Variants in NAA11 observed in about 807,000 individuals in gnomAD.
NAA11 encodes N-alpha-acetyltransferase 11, NatA catalytic subunit, also known as N-alpha-acetyltransferase 11.
In NAA11, 15 loss-of-function variants were observed where a neutral mutation model predicts 16.1. That is an observed-to-expected ratio of 0.93 (90% CI 0.62 to 1.44). The LOEUF (loss-of-function observed/expected upper bound fraction) is 1.44. Ranked by LOEUF, NAA11 falls within the 40% of genes most tolerant of loss-of-function variation. NAA11 has a pLI of 0.00. For missense variants in NAA11, 298 were observed against 291.3 expected (o/e 1.02, Z -0.17); for synonymous variants, 122 against 112.4 (o/e 1.09, Z -0.54).
the NAA11 span, among the ~76,000 whole-genome samples, chr4:79,217,019 T>C: frequency 6.6e-6 from 1 of 152,224 alleles, no homozygotes; most frequent in Non-Finnish European, 1.5e-5. Context: ...CAGAAAGTTA[T>C]TTAGTGCTGA....
intron 1 of NAA11, 103 bp from the exon 2 acceptor site, chr4:79,317,894 T>C (rs1723973783): frequency 6.6e-6 from 1 of 152,156 alleles, no homozygotes; most frequent in South Asian, 2.1e-4. Flanking sequence ...GAACAGCAGA[T>C]AAAGAAACCC....
At chr4:79,170,999 A>C in the NAA11 span, among the ~76,000 whole-genome samples, 1 of 152,270 alleles carries the variant, frequency 6.6e-6, no homozygotes, top group South Asian at 2.1e-4. Flanking sequence ...TTGTTTATAC[A>C]TTCAGTTAAT....
At chr4:79,320,417 G>A (rs933425996) in intron 1 of NAA11, among the ~76,000 whole-genome samples, 4 of 152,186 alleles carry the variant, frequency 2.6e-5, no homozygotes, top group Non-Finnish European at 4.4e-5. Context: ...GTGAGGAGTT[G>A]TGCTTAGCAA....
chr4:79,174,688 A>C, the NAA11 span, among the ~76,000 whole-genome samples: 2 of 152,182 alleles, frequency 1.3e-5, no homozygotes, highest in Non-Finnish European at 2.9e-5. Context: ...GACATAAATC[A>C]AGATGTACAT....
the NAA11 span, among the ~76,000 whole-genome samples, chr4:79,162,942 T>A: frequency 6.6e-6 from 1 of 152,244 alleles, no homozygotes; most frequent in African/African-American, 2.4e-5. Context: ...ACATATGTGT[T>A]ACATTTATGA....
In NAA11 at chr4:79,247,338, A is replaced by G. The variant is rs77684262; in HGVS notation, c.*123-21068T>C. Among the ~76,000 whole-genome samples, 704 of 152,160 alleles carry G rather than the reference A, an allele frequency of 4.6e-3. 2 individuals are homozygous for G. The highest frequency in any genetic ancestry group is 7.4e-3 in the Non-Finnish European group (505 of 67,980). On this transcript the variant is annotated intron_variant and NMD_transcript_variant, in intron 2 of 2. Coordinates refer to the NAA11 transcript ENST00000511542. ...TATTTTTTCTTGTTACCTTCACTACATTTCTGAGAATTTCATATCTCCCCT... is the reference window on the plus strand; with the variant it reads ...TATTTTTTCTTGTTACCTTCACTACGTTTCTGAGAATTTCATATCTCCCCT...
At position 79,299,289 on chromosome 4, in the gene NAA11, C is replaced by T. The variant is rs554159579; in HGVS notation, c.*13-5175G>A. The T allele has an allele frequency of 2.6e-5, 4 of 152,334 alleles. No homozygotes were observed. In the South Asian group the frequency reaches 6.2e-4, roughly 24 times the overall value. 9.4% of individuals were successfully genotyped at this position (152,334 alleles called of 1,614,324 possible). ...TTTCTACACACCAGTGCCTAGTCTTCATGATGCTTATGCCCAACCCTGAGT... is the reference window on the plus strand; with the variant it reads ...TTTCTACACACCAGTGCCTAGTCTTTATGATGCTTATGCCCAACCCTGAGT... On this transcript the variant is annotated intron_variant and NMD_transcript_variant, in intron 1 of 2. Coordinates refer to the NAA11 transcript ENST00000511542.
chr4:79,275,913 T>C (rs1010211219), intron 2 of NAA11, among the ~76,000 whole-genome samples: 45 of 152,282 alleles, frequency 3.0e-4, no homozygotes, highest in African/African-American at 1.0e-3. Flanking sequence ...AATTTAAATA[T>C]GTTTAAAAAC....
chr4:79,196,871 A>G, the NAA11 span, among the ~76,000 whole-genome samples: 1 of 145,786 alleles, frequency 6.9e-6, no homozygotes, highest in African/African-American at 2.5e-5. Flanking sequence ...ATGCTATGGA[A>G]AAGTTTGGCT....
chr4:79,199,663 T>A, the NAA11 span, among the ~76,000 whole-genome samples: 1 of 151,924 alleles, frequency 6.6e-6, no homozygotes, highest in South Asian at 2.1e-4. Flanking sequence ...CTTTCAAAGC[T>A]GATTTCAACA....
chr4:79,256,633 C>CATATATATATATATAAAT (rs1486193149), intron 2 of NAA11, among the ~76,000 whole-genome samples: 199 of 109,394 alleles, frequency 1.8e-3, no homozygotes, highest in Middle Eastern at 8.1e-3. Context: ...TAAAATGAAC[C>CATATATATATATATAAAT]ATATATATAT....
At chr4:79,229,769 A>G (rs1721413344) in intron 2 of NAA11, among the ~76,000 whole-genome samples, 1 of 151,964 alleles carries the variant, frequency 6.6e-6, no homozygotes, top group South Asian at 2.1e-4. Flanking sequence ...GCCTTGTCAC[A>G]AGATAGAAGT....
intron 2 of NAA11, among the ~76,000 whole-genome samples, chr4:79,229,439 A>G (rs1223221629): frequency 1.3e-5 from 2 of 151,922 alleles, no homozygotes; most frequent in Non-Finnish European, 2.9e-5. Context: ...ATTTTAATGT[A>G]TGTATTATAT....
At chr4:79,253,306 T>TA (rs772846013) in intron 2 of NAA11, among the ~76,000 whole-genome samples, 1 of 152,152 alleles carries the variant, frequency 6.6e-6, no homozygotes, top group Non-Finnish European at 1.5e-5. Flanking sequence ...CAGTTGAATA[T>TA]AAAAATGTGG....
the NAA11 span, among the ~76,000 whole-genome samples, chr4:79,205,563 T>TA: frequency 6.6e-6 from 1 of 152,064 alleles, no homozygotes; most frequent in Admixed American, 6.6e-5. Context: ...CTGTAAGTTG[T>TA]ATATTTACTC....
the NAA11 span, among the ~76,000 whole-genome samples, chr4:79,184,712 G>C: frequency 6.6e-6 from 1 of 152,104 alleles, no homozygotes; most frequent in Non-Finnish European, 1.5e-5. Flanking sequence ...ATAGTTTTAC[G>C]CTAGGAACTC....
chr4:79,179,483 A>G, the NAA11 span, among the ~76,000 whole-genome samples: 1 of 152,232 alleles, frequency 6.6e-6, no homozygotes, highest in Non-Finnish European at 1.5e-5. Flanking sequence ...TTCTTCAAAG[A>G]TAATCTATAA....
chr4:79,193,324 C>A, the NAA11 span, among the ~76,000 whole-genome samples: 1 of 152,016 alleles, frequency 6.6e-6, no homozygotes, highest in Admixed American at 6.6e-5. Flanking sequence ...AATGGTATTG[C>A]CTAGGTTTTC....
the NAA11 span, among the ~76,000 whole-genome samples, chr4:79,171,829 A>C: frequency 6.6e-6 from 1 of 152,190 alleles, no homozygotes; most frequent in East Asian, 1.9e-4. Flanking sequence ...GGACAAATCT[A>C]CTATAAAATA....
Sources: gnomAD v4.1 joint callset for allele counts (sites outside exome capture counted in the v4.1 genomes callset) on GRCh38, gnomAD v4.1.1 for gene constraint, MANE v1.5 for transcripts, NCBI Gene and HGNC (gene_info 2026-07-23, HGNC 2026-07-21) for gene names.